The following MMP20 variants were observed in gnomAD, a reference collection of about 807,000 sequenced individuals.
MMP20 encodes matrix metallopeptidase 20.
MMP20 carries 50 observed loss-of-function variants against 51.8 expected under a neutral mutation model. The ratio of observed to expected loss-of-function variants is 0.97; its 90% confidence interval spans 0.77 to 1.22. The LOEUF (loss-of-function observed/expected upper bound fraction) is 1.22, where lower values mean the gene tolerates loss of function less well. Ranked by LOEUF, MMP20 falls within the 50% of genes most tolerant of loss-of-function variation. MMP20 has a pLI of 0.00. For missense variants in MMP20, 663 were observed against 601.4 expected (o/e 1.10, Z -1.07); for synonymous variants, 244 against 216.2 (o/e 1.13, Z -1.13).
chr11:102,601,911 A>G (rs1416838942), intron 6 of MMP20, among the ~76,000 whole-genome samples: 2 of 149,050 alleles, frequency 1.3e-5, no homozygotes, highest in South Asian at 2.2e-4. Context: ...TCCAATTCCT[A>G]CTTGCATAAC....
intron 7 of MMP20, among the ~76,000 whole-genome samples, chr11:102,594,334 G>T (rs1407173313): frequency 6.6e-6 from 1 of 152,202 alleles, no homozygotes; most frequent in Non-Finnish European, 1.5e-5. Flanking sequence ...TCTGAGCAGA[G>T]GTCCTGTGTG....
chr11:102,579,956 T>A (rs182462579), intron 8 of MMP20, among the ~76,000 whole-genome samples: 1 of 152,324 alleles, frequency 6.6e-6, no homozygotes, highest in East Asian at 1.9e-4. Context: ...TATGTATCCA[T>A]GGAGAAAGGG....
chr11:102,597,344 C>T (rs999217128), intron 6 of MMP20, among the ~76,000 whole-genome samples: 10 of 152,202 alleles, frequency 6.6e-5, no homozygotes, highest in African/African-American at 2.2e-4. Flanking sequence ...GTAGTAGTTA[C>T]GAGCTCAGGC....
intron 8 of MMP20, among the ~76,000 whole-genome samples, chr11:102,582,335 G>A (rs1352589903): frequency 6.6e-6 from 1 of 152,140 alleles, no homozygotes; most frequent in Non-Finnish European, 1.5e-5. Context: ...TCAGCTAAAG[G>A]ATGCTTAAAG....
intron 2 of MMP20, among the ~76,000 whole-genome samples, chr11:102,613,493 C>T (rs1859629299): frequency 6.6e-6 from 1 of 152,172 alleles, no homozygotes; most frequent in South Asian, 2.1e-4. Context: ...CACTCAGTGG[C>T]TCTCGAAGTT....
intron 1 of MMP20, among the ~76,000 whole-genome samples, chr11:102,624,970 G>C (rs2135951814): frequency 6.6e-6 from 1 of 152,226 alleles, no homozygotes; most frequent in East Asian, 1.9e-4. Flanking sequence ...AAGATAGCTA[G>C]GTAGATATAT....
intron 6 of MMP20, among the ~76,000 whole-genome samples, chr11:102,601,947 CTTTCT>C (rs1565394610): frequency 3.4e-5 from 4 of 118,588 alleles, no homozygotes; most frequent in South Asian, 5.8e-4. Context: ...TCTTTTCTTT[CTTTCT>C]TTTTTTTTTT....
intron 8 of MMP20, 82 bp downstream of exon 8, chr11:102,593,357 A>C: frequency 6.7e-7 from 1 of 1,496,024 alleles, no homozygotes; most frequent in South Asian, 1.2e-5. Context: ...CTTGCTTTGC[A>C]TTCTTTCGTG....
Position 102,583,859 on chromosome 11 carries a change from A to G in MMP20, c.1248-4717T>C, listed in dbSNP as rs189515698. 2.4e-3 allele frequency among the ~76,000 whole-genome samples: 369 copies of G among 152,302 alleles called. 3 individuals are homozygous for G. Among genetic ancestry groups the G allele is most frequent in the Non-Finnish European group, 1.9e-3 (128 of 68,022 alleles). ...ACTTTCTGTCTGTTTTAACTTGCCT[A>G]TTATGGACATTTTATACAATATGCA... is the stretch of plus-strand genomic sequence containing the variant. On this transcript the variant is annotated intron_variant, in intron 8 of 9. Coordinates refer to ENST00000260228, the MANE Select transcript of MMP20 (RefSeq NM_004771.4).
chr11:102,605,855 T>G (rs561526235), intron 6 of MMP20, among the ~76,000 whole-genome samples: 1 of 152,294 alleles, frequency 6.6e-6, no homozygotes, highest in East Asian at 1.9e-4. Flanking sequence ...AAGAAGTATT[T>G]GGAGTAACCA....
At position 102,599,625 on chromosome 11, in the gene MMP20, A is replaced by C. The variant is rs1490036255; in HGVS notation, c.954-4868T>G. Among the ~76,000 whole-genome samples the C allele has an allele frequency of 9.9e-5, 15 of 152,232 alleles. 1 individual carries two copies. The highest frequency in any genetic ancestry group is 9.8e-4 in the Admixed American group (15 of 15,284). On this transcript the variant is annotated intron_variant, in intron 6 of 9. Transcript: ENST00000260228. ...TTTTACTCCACAAATTTATTAATAGATGATATGCAGAATATAAACTTAGAG... is the reference window on the plus strand; with the variant it reads ...TTTTACTCCACAAATTTATTAATAGCTGATATGCAGAATATAAACTTAGAG...
intron 5 of MMP20, 149 bp downstream of exon 5, chr11:102,608,787 TA>T: frequency 1.2e-6 from 1 of 824,102 alleles, no homozygotes; most frequent in East Asian, 2.6e-5. Flanking sequence ...TATTTATAAC[TA>T]GCAAATCAGC....
intron 6 of MMP20, among the ~76,000 whole-genome samples, chr11:102,597,261 C>G (rs1859392470): frequency 6.6e-6 from 1 of 152,204 alleles, no homozygotes; most frequent in Non-Finnish European, 1.5e-5. Flanking sequence ...CTAGGCAAAG[C>G]TAAGTCCTAC....
At chr11:102,614,887 C>T (rs1859648179) in intron 2 of MMP20, among the ~76,000 whole-genome samples, 1 of 152,032 alleles carries the variant, frequency 6.6e-6, no homozygotes, top group Non-Finnish European at 1.5e-5. Context: ...AAGCTACCAA[C>T]TTACCATCAC....
At chr11:102,620,543 C>T (rs528910593) in intron 1 of MMP20, among the ~76,000 whole-genome samples, 1 of 152,196 alleles carries the variant, frequency 6.6e-6, no homozygotes, top group Non-Finnish European at 1.5e-5. Flanking sequence ...ATCAGGTGGT[C>T]CTCTCTCCAC....
At chr11:102,590,874 T>C (rs2135932323) in intron 8 of MMP20, among the ~76,000 whole-genome samples, 1 of 152,296 alleles carries the variant, frequency 6.6e-6, no homozygotes, top group East Asian at 1.9e-4. Flanking sequence ...CCTCGAGTCA[T>C]GAGGCAACCA....
chr11:102,607,138 G>A (rs1221951821), intron 5 of MMP20: 2 of 182,420 alleles, frequency 1.1e-5, no homozygotes, highest in Non-Finnish European at 2.3e-5. Context: ...ACTTTCTTGT[G>A]TGTTTTCCTA....
chr11:102,608,056 G>C (rs1408547830), intron 5 of MMP20: 1 of 152,172 alleles, frequency 6.6e-6, no homozygotes, highest in Non-Finnish European at 1.5e-5. Context: ...CCATTTCTGG[G>C]CTTCCCACCC....
intron 6 of MMP20, 132 bp from the exon 7 acceptor site, chr11:102,594,889 C>T: frequency 2.5e-6 from 3 of 1,190,782 alleles, no homozygotes; most frequent in Non-Finnish European, 3.5e-6. Flanking sequence ...CTTGCCTTGC[C>T]TTGTTTTTTT....
Sources: gnomAD v4.1 joint callset for allele counts (sites outside exome capture counted in the v4.1 genomes callset) on GRCh38, gnomAD v4.1.1 for gene constraint, MANE v1.5 for transcripts, NCBI Gene and HGNC (gene_info 2026-07-23, HGNC 2026-07-21) for gene names.